The following SPAG9 variants were observed in gnomAD, a reference collection of about 807,000 sequenced individuals.
The protein encoded by SPAG9 is sperm associated antigen 9, also known as C-Jun-amino-terminal kinase-interacting protein 4.
SPAG9 carries 35 observed loss-of-function variants against 166.5 expected under a neutral mutation model. The observed-to-expected ratio is 0.21, with a 90% confidence interval of 0.16 to 0.28. SPAG9 has a LOEUF of 0.28. Ranked by LOEUF, SPAG9 falls within the 10% of genes least tolerant of loss-of-function variation. The pLI is 1.00. For missense variants in SPAG9, 1,235 were observed against 1,603.3 expected (o/e 0.77, Z 3.92); for synonymous variants, 534 against 565.5 (o/e 0.94, Z 0.79).
At chr17:51,031,258 T>A (rs759731708) in intron 6 of SPAG9, 25 of 203,362 alleles carry the variant, frequency 1.2e-4, no homozygotes, top group Non-Finnish European at 2.0e-4. Flanking sequence ...AGCTGGATGG[T>A]GCCCTGACTG....
At chr17:50,994,089 G>A (rs919009415) in intron 18 of SPAG9, among the ~76,000 whole-genome samples, 154 bp from the exon 19 acceptor site, 4 of 152,126 alleles carry the variant, frequency 2.6e-5, no homozygotes, top group African/African-American at 9.7e-5. Flanking sequence ...GTTTGGCTGC[G>A]TCCCTACCCA....
At chr17:50,984,425 GC>G (rs1368568554) in intron 24 of SPAG9, among the ~76,000 whole-genome samples, 1 of 152,148 alleles carries the variant, frequency 6.6e-6, no homozygotes, top group Admixed American at 6.5e-5. Context: ...GGTGGCTCAC[GC>G]CTGTAATCCC....
chr17:51,099,323 C>T (rs1277060906), intron 1 of SPAG9, among the ~76,000 whole-genome samples: 1 of 149,806 alleles, frequency 6.7e-6, no homozygotes. Flanking sequence ...ATCCCAGCTA[C>T]TTGGGAGGCT....
At chr17:50,976,895 T>A in intron 27 of SPAG9, 1 of 425,280 alleles carries the variant, frequency 2.4e-6, no homozygotes, top group Non-Finnish European at 4.2e-6. Context: ...TGTGAAAATG[T>A]TTTGACAACG....
At chr17:50,973,851 T>C (rs1234763992) in intron 28 of SPAG9, among the ~76,000 whole-genome samples, 2 of 152,122 alleles carry the variant, frequency 1.3e-5, no homozygotes, top group Non-Finnish European at 2.9e-5. Flanking sequence ...CTTCCCGGGG[T>C]CTCCAGCCTG....
chr17:50,966,939 T>A (rs1490311320), intron 29 of SPAG9, among the ~76,000 whole-genome samples: 1 of 152,190 alleles, frequency 6.6e-6, no homozygotes, highest in Non-Finnish European at 1.5e-5. Context: ...AGCTACTGGG[T>A]TTTTCTTCCA....
At chr17:51,085,186 A>G (rs1313748023) in intron 1 of SPAG9, 1 of 152,244 alleles carries the variant, frequency 6.6e-6, no homozygotes, top group Non-Finnish European at 1.5e-5. Flanking sequence ...TGCTATGGAT[A>G]AAATACTATT....
In SPAG9 at chr17:50,990,511, C is replaced by T. The variant is rs761040610; in HGVS notation, c.2556G>A (p.Val852=). The part of the protein sequence containing the change: ...ITVVGCSAEG[V]TGAATSPSTN... ...TACTAGGGGAAGTGGCAGCTCCCGT[C>T]ACACCTTCTGCAGAACAACCAACCA... is the stretch of plus-strand genomic sequence containing the variant. Residue 852 remains valine, a synonymous_variant, in exon 20 of 30, where the codon GTG becomes GTA. Transcript: ENST00000262013. 1.9e-6 allele frequency: 3 copies of T among 1,614,190 alleles called. No individual in the cohort carries two copies. In the South Asian group the frequency reaches 3.3e-5, roughly 18 times the overall value.
At chr17:50,998,917 T>C (rs1309504875) in intron 14 of SPAG9, among the ~76,000 whole-genome samples, 3 of 152,130 alleles carry the variant, frequency 2.0e-5, no homozygotes, top group Non-Finnish European at 4.4e-5. Flanking sequence ...ACTGAATAAA[T>C]ATATTTTGGT....
chr17:51,062,908 G>A (rs1363733323), intron 2 of SPAG9, among the ~76,000 whole-genome samples: 1 of 151,972 alleles, frequency 6.6e-6, no homozygotes. Context: ...GTCTTTTCCT[G>A]GACAAACAGT....
chr17:50,979,708 T>A, intron 26 of SPAG9, 38 bp downstream of exon 26: 2 of 1,585,114 alleles, frequency 1.3e-6, no homozygotes, highest in Non-Finnish European at 1.7e-6. Flanking sequence ...TAAAACACCC[T>A]CTTTGACTGG....
intron 21 of SPAG9, among the ~76,000 whole-genome samples, chr17:50,987,634 C>T (rs1975155356): frequency 6.6e-6 from 1 of 151,904 alleles, no homozygotes; most frequent in African/African-American, 2.4e-5. Flanking sequence ...GCCCAAGGAG[C>T]AGAAAAGATA....
chr17:50,990,184 C>T (rs1039346744), intron 20 of SPAG9: 26 of 514,216 alleles, frequency 5.1e-5, no homozygotes, highest in South Asian at 2.1e-4. Flanking sequence ...CCCGCCACCA[C>T]GCCCGGTTAA....
chr17:51,013,385 G>A (rs534536910), intron 9 of SPAG9, among the ~76,000 whole-genome samples: 25 of 152,274 alleles, frequency 1.6e-4, no homozygotes, highest in Non-Finnish European at 2.8e-4. Flanking sequence ...GGCAGGGGTT[G>A]GCAAACTCTT....
At chr17:50,967,439 AC>A (rs1324187710) in intron 29 of SPAG9, among the ~76,000 whole-genome samples, 2 of 152,190 alleles carry the variant, frequency 1.3e-5, no homozygotes, top group African/African-American at 4.8e-5. Context: ...TGCAGGCCAA[AC>A]TTTCCCTTAC....
chr17:51,021,452 A>C lies in SPAG9; in HGVS notation c.784-87T>G. 4.5e-6 allele frequency: 5 copies of C among 1,123,064 alleles called. No individual in the cohort carries two copies. The South Asian group carries it at 8.3e-5, about 19-fold the overall frequency. The allele number at this position is 1,123,064 out of a possible 1,614,324, so 69.6% of individuals were successfully genotyped here. A position where few individuals can be genotyped will look rare whatever the true frequency, so the allele number is the denominator to read the frequency against. On this transcript the variant is annotated intron_variant, in intron 6 of 29. Transcript: ENST00000262013. Reference sequence around the variant, plus strand: ...AATGGGTTGAGAAATAAATCTACCAAAGAAAGTTCTATTTTTTTTTCCAAA... The same window carrying C: ...AATGGGTTGAGAAATAAATCTACCACAGAAAGTTCTATTTTTTTTTCCAAA...
intron 2 of SPAG9, among the ~76,000 whole-genome samples, chr17:51,073,026 C>T (rs958421199): frequency 4.6e-5 from 7 of 151,888 alleles, no homozygotes; most frequent in African/African-American, 1.7e-4. Context: ...CCTGGCTCTA[C>T]AAAAAATACA....
chr17:51,014,236 T>C lies in SPAG9; in HGVS notation c.1209A>G (p.Leu403=). The C allele has an allele frequency of 6.2e-7, 1 of 1,609,362 alleles. No homozygotes were observed. Among genetic ancestry groups the C allele is most frequent in the Non-Finnish European group, 8.5e-7 (1 of 1,178,082 alleles). The change falls in exon 9 of 30, where the codon TTA becomes TTG. Residue 403 remains leucine (L), a synonymous_variant. Transcript: ENST00000262013. ...LIGDVDEGAD[L]LGMGREVENL... ...TCTTCAGATGAGCTATCATACCTAG[T>C]AAATCTGCTCCTTCATCCACATCTC...
intron 1 of SPAG9, among the ~76,000 whole-genome samples, chr17:51,099,789 A>AAC (rs2048755461): frequency 6.9e-6 from 1 of 144,940 alleles, no homozygotes; most frequent in Non-Finnish European, 1.5e-5. Flanking sequence ...AAAAAAAAAA[A>AAC]CTAGAAATTG....
Sources: allele counts gnomAD v4.1 joint callset (sites outside exome capture counted in the v4.1 genomes callset), GRCh38; gene constraint gnomAD v4.1.1; transcripts MANE v1.5; gene names NCBI Gene and HGNC (gene_info 2026-07-23, HGNC 2026-07-21).